TFR2: variants seen among roughly 807,000 people sequenced by gnomAD.
The protein encoded by TFR2 is transferrin receptor 2, also known as transferrin receptor protein 2.
TFR2 carries 64 observed loss-of-function variants against 91.9 expected under a neutral mutation model. The observed-to-expected ratio is 0.70, with a 90% confidence interval of 0.57 to 0.86. The LOEUF (loss-of-function observed/expected upper bound fraction) is 0.86. Ranked by LOEUF, TFR2 falls within the 40% of genes least tolerant of loss-of-function variation. The pLI, the probability that TFR2 is intolerant of heterozygous loss-of-function variation, is 0.00. For missense variants in TFR2, 950 were observed against 1,080.5 expected (o/e 0.88, Z 1.69); for synonymous variants, 454 against 459.6 (o/e 0.99, Z 0.15).
chr7:100,635,457 A>ATTT (rs1204526604), intron 3 of TFR2, among the ~76,000 whole-genome samples: 3 of 148,162 alleles, frequency 2.0e-5, no homozygotes, highest in South Asian at 2.1e-4. Flanking sequence ...TATTATTATT[A>ATTT]TTTTTGACAT....
chr7:100,627,051 G>A, intron 16 of TFR2, 148 bp from the exon 17 acceptor site: 1 of 1,377,468 alleles, frequency 7.3e-7, no homozygotes, highest in Non-Finnish European at 9.7e-7. Flanking sequence ...GAGTGCTGGA[G>A]GCAGGATGAA....
At position 100,631,034 on chromosome 7, in the gene TFR2, C is replaced by G. The variant is rs771448341; in HGVS notation, c.1125G>C (p.Val375=). The change falls in exon 9 of 18, where the codon GTG becomes GTC. Residue 375 remains valine (V), a synonymous_variant. Transcript: ENST00000223051. ...GGCTCCCCTGCCATTCTTGGGGGGC[C>G]ACAGGGCCTTTGAGCTTCCTGGAGA... ...SRLLRKLKGP[V]APQEWQGSLL... is the part of the protein sequence containing the mutation. 1.3e-6 allele frequency: 2 copies of G among 1,592,686 alleles called. No individual in the cohort carries two copies. Among genetic ancestry groups the G allele is most frequent in the Non-Finnish European group, 1.7e-6 (2 of 1,171,978 alleles).
chr7:100,640,976 C>T lies in TFR2; in HGVS notation c.286G>A (p.Ala96Thr). The change falls in exon 2 of 18, where the codon GCC becomes ACC. Residue 96 changes from alanine (A) to threonine (T), a missense_variant and splice_region_variant. Physicochemically the swap from Ala to Thr is moderately conservative, Grantham distance 58 (BLOSUM62 0). Coordinates refer to ENST00000223051, the MANE Select transcript of TFR2 (RefSeq NM_003227.4). ...VLTALLIFTGAFLLGYVAFRG... is the reference protein window; with the variant it reads ...VLTALLIFTGTFLLGYVAFRG... ...TTCTGGGGAGGGGGACGGCTCTCAC[C>T]CCCAGTGAAGATCAGCAGGGCCGTC... The T allele has an allele frequency of 3.7e-6, 6 of 1,610,512 alleles. No homozygotes were observed. The highest frequency in any genetic ancestry group is 5.1e-6 in the Non-Finnish European group (6 of 1,177,576).
At chr7:100,635,750 C>T (rs1220403592) in intron 3 of TFR2, among the ~76,000 whole-genome samples, 2 of 151,956 alleles carry the variant, frequency 1.3e-5, no homozygotes, top group Admixed American at 6.6e-5. Flanking sequence ...AGGTGTGAGC[C>T]ACCGTGCCTG....
intron 8 of TFR2, chr7:100,631,507 C>A: frequency 2.8e-6 from 1 of 360,302 alleles, no homozygotes; most frequent in South Asian, 2.5e-5. Flanking sequence ...ACCTGTAATC[C>A]TAGATACTCT....
At chr7:100,636,862 C>T (rs535122941) in intron 3 of TFR2, among the ~76,000 whole-genome samples, 6 of 152,120 alleles carry the variant, frequency 3.9e-5, no homozygotes, top group African/African-American at 1.4e-4. Flanking sequence ...TGCTCTCTCC[C>T]CAAAACTGCT....
intron 3 of TFR2, among the ~76,000 whole-genome samples, chr7:100,637,485 T>C (rs1184746745): frequency 6.6e-6 from 1 of 152,094 alleles, no homozygotes; most frequent in African/African-American, 2.4e-5. Context: ...TCCCAGCTAC[T>C]TGGGAAGCTG....
In TFR2 at chr7:100,627,410, C is replaced by T. The variant is rs771543812; in HGVS notation, c.1849G>A (p.Ala617Thr). The change falls in exon 16 of 18, where the codon GCC (alanine) becomes ACC (threonine). Residue 617 changes from alanine to threonine, a missense_variant. Coordinates refer to ENST00000223051, the MANE Select transcript of TFR2 (RefSeq NM_003227.4). ...LHKVLQGRLP[A>T]VAQAVAQLAG... is the part of the protein sequence containing the mutation. ...AGCTGGGCCACGGCCTGGGCCACGGCGGGCAGGCGGCCTTGCAGCACCTTA... is the reference window on the plus strand; with the variant it reads ...AGCTGGGCCACGGCCTGGGCCACGGTGGGCAGGCGGCCTTGCAGCACCTTA... 14 of 1,569,764 alleles carry T rather than the reference C, an allele frequency of 8.9e-6. No individual in the cohort carries two copies. Among genetic ancestry groups the T allele is most frequent in the African/African-American group, 1.4e-5 (1 of 73,994 alleles).
intron 9 of TFR2, among the ~76,000 whole-genome samples, chr7:100,630,298 TC>T (rs1803399061): frequency 6.6e-6 from 1 of 151,948 alleles, no homozygotes; most frequent in Non-Finnish European, 1.5e-5. Context: ...CTCTTTTTTT[TC>T]TTTTTCTTGA....
chr7:100,626,160 G>A (rs1038210049), intron 17 of TFR2, among the ~76,000 whole-genome samples: 1 of 152,104 alleles, frequency 6.6e-6, no homozygotes, highest in Non-Finnish European at 1.5e-5. Flanking sequence ...TTGAGTTCTT[G>A]GAGTAAGAAA....
intron 6 of TFR2, 116 bp downstream of exon 6, chr7:100,632,885 A>G (rs1236836275): frequency 1.3e-6 from 2 of 1,567,784 alleles, no homozygotes; most frequent in South Asian, 2.2e-5. Flanking sequence ...TTTTCTTACC[A>G]TCCAGCCACA....
intron 10 of TFR2, 147 bp downstream of exon 10, chr7:100,629,106 C>T (rs1412239160): frequency 1.8e-6 from 2 of 1,090,438 alleles, no homozygotes; most frequent in Non-Finnish European, 2.8e-6. Flanking sequence ...AAGTGACTGG[C>T]CCAGGGCCAC....
intron 10 of TFR2, among the ~76,000 whole-genome samples, chr7:100,628,809 C>T (rs1803342596): frequency 6.6e-6 from 1 of 151,936 alleles, no homozygotes; most frequent in Admixed American, 6.6e-5. Flanking sequence ...TTCTGTTGCC[C>T]AGGCTGGAGT....
intron 8 of TFR2, 42 bp downstream of exon 8, chr7:100,631,764 C>G (rs1445318501): frequency 1.3e-5 from 21 of 1,596,766 alleles, no homozygotes; most frequent in Non-Finnish European, 1.8e-5. Flanking sequence ...CAGCCTTCCT[C>G]TCTCTGCTTC....
chr7:100,637,263 G>C (rs570240784), intron 3 of TFR2, among the ~76,000 whole-genome samples: 227 of 152,188 alleles, frequency 1.5e-3, no homozygotes, highest in African/African-American at 5.1e-3. Flanking sequence ...GCTGGGTGTC[G>C]TGGCGCATGA....
At chr7:100,636,710 G>T (rs1226657385) in intron 3 of TFR2, among the ~76,000 whole-genome samples, 1 of 151,766 alleles carries the variant, frequency 6.6e-6, no homozygotes, top group African/African-American at 2.4e-5. Context: ...CAACCCCATT[G>T]AACATGACAA....
At position 100,620,826 on chromosome 7, in the gene TFR2, G is replaced by A. The variant is rs747228740; in HGVS notation, c.*31C>T. 6.2e-7 allele frequency: 1 copy of A among 1,613,434 alleles called. No individual in the cohort carries two copies. The highest frequency in any genetic ancestry group is 1.1e-5 in the South Asian group (1 of 90,866). ...GCGAGGAGCAGAGGAGCTCTTGACTGGGGGACGGGGATGTGAGGATCCCCA... is the reference window on the plus strand; with the variant it reads ...GCGAGGAGCAGAGGAGCTCTTGACTAGGGGACGGGGATGTGAGGATCCCCA... On this transcript the variant is annotated 3_prime_UTR_variant, in exon 18 of 18. Transcript: ENST00000223051.
In TFR2 at chr7:100,631,796, C is replaced by G; in HGVS notation, c.1106+10G>C. The stretch of plus-strand genomic sequence containing the variant: ...CTTCCTCCTCTTCTGGTCCCCAACA[C>G]TCCCCTCACCTCAGCAGGCGGGAGG... On this transcript the variant is annotated intron_variant, in intron 8 of 17. Transcript: ENST00000223051. 6.2e-7 allele frequency: 1 copy of G among 1,610,906 alleles called. No homozygotes were observed. The highest frequency in any genetic ancestry group is 8.5e-7 in the Non-Finnish European group (1 of 1,178,134).
chr7:100,640,949 A>C, intron 2 of TFR2, 27 bp downstream of exon 2: 1 of 1,613,072 alleles, frequency 6.2e-7, no homozygotes, highest in Non-Finnish European at 8.5e-7. Flanking sequence ...CAAGCCCTTC[A>C]CTTCTGGGGA....
Sources: gnomAD v4.1 joint callset for allele counts (sites outside exome capture counted in the v4.1 genomes callset) on GRCh38, gnomAD v4.1.1 for gene constraint, MANE v1.5 for transcripts, NCBI Gene and HGNC (gene_info 2026-07-23, HGNC 2026-07-21) for gene names.